UBE2E2: variants seen among roughly 807,000 people sequenced by gnomAD.
The protein encoded by UBE2E2 is ubiquitin-conjugating enzyme E2 E2.
Under a neutral mutation model 24.7 loss-of-function variants are expected in UBE2E2, and 6 were observed. The ratio of observed to expected loss-of-function variants is 0.24; its 90% confidence interval spans 0.13 to 0.48. The LOEUF (loss-of-function observed/expected upper bound fraction) is 0.48, where lower values mean the gene tolerates loss of function less well. Ranked by LOEUF, UBE2E2 falls within the 20% of genes least tolerant of loss-of-function variation. The pLI, the probability that UBE2E2 is intolerant of heterozygous loss-of-function variation, is 0.99. For synonymous variants in UBE2E2, 104 were observed against 83.6 expected, an observed-to-expected ratio of 1.24 and a Z score of -1.33; for missense variants, 169 against 245.0, an observed-to-expected ratio of 0.69 and a Z score of 2.07.
chr3:23,540,520 T>G (rs1695371237), intron 5 of UBE2E2, among the ~76,000 whole-genome samples: 2 of 152,134 alleles, frequency 1.3e-5, no homozygotes, highest in South Asian at 4.1e-4. Context: ...TTCTCCTGCC[T>G]TAGCCTCCTG....
At chr3:23,452,291 G>A (rs1698577565) in intron 3 of UBE2E2, among the ~76,000 whole-genome samples, 1 of 152,074 alleles carries the variant, frequency 6.6e-6, no homozygotes, top group Non-Finnish European at 1.5e-5. Flanking sequence ...GACACAGTAG[G>A]AAGTTCTTTA....
chr3:23,241,743 T>A (rs1697265116), intron 3 of UBE2E2, among the ~76,000 whole-genome samples: 1 of 152,194 alleles, frequency 6.6e-6, no homozygotes, highest in South Asian at 2.1e-4. Flanking sequence ...CCCATTAGAA[T>A]GTGAATATCT....
chr3:23,515,322 G>A (rs1694706200), intron 4 of UBE2E2, among the ~76,000 whole-genome samples: 1 of 152,042 alleles, frequency 6.6e-6, no homozygotes, highest in Non-Finnish European at 1.5e-5. Flanking sequence ...CCTCCTGCAG[G>A]TGTGCACACA....
chr3:23,223,579 C>G (rs1054898794), intron 3 of UBE2E2, among the ~76,000 whole-genome samples: 2 of 152,008 alleles, frequency 1.3e-5, no homozygotes, highest in African/African-American at 4.8e-5. Context: ...ATCCCTTGTC[C>G]CTTGTCAGAT....
chr3:23,318,848 C>T (rs1375169400), intron 3 of UBE2E2, among the ~76,000 whole-genome samples: 3 of 152,146 alleles, frequency 2.0e-5, no homozygotes, highest in Non-Finnish European at 4.4e-5. Context: ...CCAAAATTTA[C>T]AAGCAAGAAA....
intron 5 of UBE2E2, among the ~76,000 whole-genome samples, chr3:23,542,004 A>G (rs894804630): frequency 1.3e-5 from 2 of 152,246 alleles, no homozygotes; most frequent in Non-Finnish European, 2.9e-5. Context: ...GGAAGAGTGC[A>G]GGCCTAGAGA....
intron 3 of UBE2E2, among the ~76,000 whole-genome samples, chr3:23,432,317 T>G (rs1031134604): frequency 3.9e-5 from 6 of 152,098 alleles, no homozygotes; most frequent in African/African-American, 1.2e-4. Context: ...AATTATTATT[T>G]GTATGAGGAT....
chr3:23,455,720 C>T (rs987987110), intron 3 of UBE2E2, among the ~76,000 whole-genome samples: 1 of 152,158 alleles, frequency 6.6e-6, no homozygotes, highest in East Asian at 1.9e-4. Flanking sequence ...AACTTTATTA[C>T]TGAAAGATCC....
intron 3 of UBE2E2, among the ~76,000 whole-genome samples, chr3:23,475,275 A>C (rs1699102988): frequency 6.6e-6 from 1 of 152,098 alleles, no homozygotes; most frequent in African/African-American, 2.4e-5. Flanking sequence ...AAAGACCAAC[A>C]GTTGTGAGCA....
intron 3 of UBE2E2, among the ~76,000 whole-genome samples, chr3:23,282,659 AT>A (rs1347813023): frequency 1.3e-5 from 2 of 152,184 alleles, no homozygotes; most frequent in Non-Finnish European, 2.9e-5. Context: ...TACAAATTCT[AT>A]TTTGATATGC....
intron 3 of UBE2E2, among the ~76,000 whole-genome samples, chr3:23,237,160 A>G (rs1697134611): frequency 6.6e-6 from 1 of 152,172 alleles, no homozygotes; most frequent in Admixed American, 6.5e-5. Context: ...TAATACATGT[A>G]AAGCACTCAG....
At chr3:23,339,757 G>C (rs548094928) in intron 3 of UBE2E2, among the ~76,000 whole-genome samples, 1 of 152,002 alleles carries the variant, frequency 6.6e-6, no homozygotes, top group Non-Finnish European at 1.5e-5. Flanking sequence ...CTTGGGAACA[G>C]ATGTATTTTT....
chr3:23,522,195 A>G (rs892394982), intron 4 of UBE2E2, among the ~76,000 whole-genome samples: 4 of 141,146 alleles, frequency 2.8e-5, no homozygotes, highest in Non-Finnish European at 1.5e-5. Flanking sequence ...CAGTGGCACG[A>G]TCTCAGCTCA....
intron 1 of UBE2E2, among the ~76,000 whole-genome samples, chr3:23,207,047 G>A (rs1696166157): frequency 6.6e-6 from 1 of 152,032 alleles, no homozygotes; most frequent in South Asian, 2.1e-4. Context: ...TTTTTAAAAA[G>A]GTGTCTGAGA....
intron 5 of UBE2E2, among the ~76,000 whole-genome samples, chr3:23,556,824 T>C (rs139442894): frequency 1.2e-4 from 19 of 152,352 alleles, no homozygotes; most frequent in Middle Eastern, 3.4e-3. Context: ...GCTGACATTC[T>C]GTGACCCATA....
intron 3 of UBE2E2, among the ~76,000 whole-genome samples, chr3:23,480,005 G>A (rs1163670908): frequency 2.0e-5 from 3 of 152,298 alleles, no homozygotes; most frequent in African/African-American, 7.2e-5. Flanking sequence ...CAGCCCACAG[G>A]CTTCAGGCCA....
chr3:23,386,803 T>C (rs894936884), intron 3 of UBE2E2, among the ~76,000 whole-genome samples: 17 of 152,342 alleles, frequency 1.1e-4, no homozygotes, highest in African/African-American at 3.8e-4. Flanking sequence ...AATGACTGTT[T>C]TCCTCTGTCA....
intron 3 of UBE2E2, among the ~76,000 whole-genome samples, chr3:23,303,896 C>T (rs543852061): frequency 6.6e-6 from 1 of 152,288 alleles, no homozygotes; most frequent in East Asian, 1.9e-4. Flanking sequence ...ACCCTGCTCT[C>T]CTGGGCAAAT....
intron 3 of UBE2E2, among the ~76,000 whole-genome samples, chr3:23,260,099 T>G (rs937526409): frequency 6.6e-6 from 1 of 152,230 alleles, no homozygotes; most frequent in Non-Finnish European, 1.5e-5. Flanking sequence ...TATACAACAT[T>G]GTTGGGTTAA....
Sources: allele counts gnomAD v4.1 joint callset (sites outside exome capture counted in the v4.1 genomes callset), GRCh38; gene constraint gnomAD v4.1.1; transcripts MANE v1.5; gene names NCBI Gene and HGNC (gene_info 2026-07-23, HGNC 2026-07-21).